GAB1: variants seen among roughly 807,000 people sequenced by gnomAD.
GAB1 encodes the protein GRB2-associated-binding protein 1.
GAB1 carries 19 observed loss-of-function variants against 66.5 expected under a neutral mutation model. That is an observed-to-expected ratio of 0.29 (90% confidence interval 0.20 to 0.42). The LOEUF (loss-of-function observed/expected upper bound fraction) is 0.42, where lower values mean the gene tolerates loss of function less well. Ranked by LOEUF, GAB1 falls within the 10% of genes least tolerant of loss-of-function variation. The pLI is 1.00. For synonymous variants in GAB1, 294 were observed against 301.4 expected (o/e 0.98, Z 0.25); for missense variants, 732 against 858.5 (o/e 0.85, Z 1.84).
Position 143,440,388 on chromosome 4 carries a change from G to A in GAB1, c.1585+6G>A. ...CCTCAAGCCAGACAGAAAAGGTAAGGAGAGCATGGCAAAGTAAAAGGCTTG... is the reference window on the plus strand; with the variant it reads ...CCTCAAGCCAGACAGAAAAGGTAAGAAGAGCATGGCAAAGTAAAAGGCTTG... On this transcript the variant is annotated splice_donor_region_variant and intron_variant, in intron 6 of 9. Transcript: ENST00000262994. The A allele has an allele frequency of 6.3e-7, 1 of 1,597,894 alleles. No individual in the cohort carries two copies. Among genetic ancestry groups the A allele is most frequent in the Non-Finnish European group, 8.5e-7 (1 of 1,172,250 alleles).
chr4:143,384,743 C>T (rs1205860693), intron 1 of GAB1, among the ~76,000 whole-genome samples: 1 of 152,176 alleles, frequency 6.6e-6, no homozygotes, highest in Non-Finnish European at 1.5e-5. Context: ...AGGCAGTTAA[C>T]TTCTAATGGG....
At chr4:143,454,187 T>C (rs938845539) in intron 6 of GAB1, among the ~76,000 whole-genome samples, 2 of 152,238 alleles carry the variant, frequency 1.3e-5, no homozygotes, top group Non-Finnish European at 2.9e-5. Context: ...CGTATTCTTA[T>C]GGCATTTCCA....
intron 1 of GAB1, among the ~76,000 whole-genome samples, chr4:143,400,652 G>A (rs1731720539): frequency 6.6e-6 from 1 of 152,070 alleles, no homozygotes; most frequent in South Asian, 2.1e-4. Context: ...CCAACCTGGG[G>A]TTACAGAATC....
intron 1 of GAB1, among the ~76,000 whole-genome samples, chr4:143,398,487 G>T (rs1731575056): frequency 6.6e-6 from 1 of 152,122 alleles, no homozygotes; most frequent in African/African-American, 2.4e-5. Context: ...TACACATTCT[G>T]TTTGCTCTAG....
At chr4:143,422,930 G>C (rs966272472) in intron 2 of GAB1, among the ~76,000 whole-genome samples, 2 of 152,202 alleles carry the variant, frequency 1.3e-5, no homozygotes, top group Non-Finnish European at 2.9e-5. Context: ...CTAATGTTTA[G>C]TTCTTAGAAG....
chr4:143,457,887 C>G (rs1353623069), intron 6 of GAB1: 1 of 602,014 alleles, frequency 1.7e-6, no homozygotes, highest in African/African-American at 2.0e-5. Flanking sequence ...GTAAATAAAA[C>G]TTTCCTGCAC....
intron 1 of GAB1, among the ~76,000 whole-genome samples, chr4:143,361,709 C>A (rs976896029): frequency 6.6e-6 from 1 of 152,142 alleles, no homozygotes; most frequent in African/African-American, 2.4e-5. Context: ...ATGCCACCAC[C>A]GCTGCCTTTG....
chr4:143,371,994 T>G (rs1181544509), intron 1 of GAB1, among the ~76,000 whole-genome samples: 1 of 152,166 alleles, frequency 6.6e-6, no homozygotes, highest in East Asian at 1.9e-4. Flanking sequence ...AGCATCTAGT[T>G]TAATGTATTC....
intron 2 of GAB1, among the ~76,000 whole-genome samples, chr4:143,432,811 G>A (rs28925896): frequency 5.8e-4 from 89 of 152,184 alleles, no homozygotes; most frequent in Non-Finnish European, 8.2e-4. Flanking sequence ...ATTTCTCTCA[G>A]AACATAGTTA....
intron 6 of GAB1, among the ~76,000 whole-genome samples, chr4:143,448,949 A>T (rs1734731573): frequency 6.6e-6 from 1 of 152,070 alleles, no homozygotes; most frequent in African/African-American, 2.4e-5. Flanking sequence ...TTCCCTCTAC[A>T]CACTGCTTTG....
intron 6 of GAB1, among the ~76,000 whole-genome samples, chr4:143,456,978 A>G (rs529262143): frequency 6.6e-6 from 1 of 152,326 alleles, no homozygotes; most frequent in African/African-American, 2.4e-5. Flanking sequence ...TCAGAAATAT[A>G]CTTAATTAAA....
At chr4:143,347,918 T>G (rs112923778) in intron 1 of GAB1, among the ~76,000 whole-genome samples, 54 of 152,332 alleles carry the variant, frequency 3.5e-4, no homozygotes, top group African/African-American at 1.3e-3. Flanking sequence ...CTCTTCCTCT[T>G]TTTCACCTGC....
chr4:143,357,027 CT>C (rs1195607846), intron 1 of GAB1, among the ~76,000 whole-genome samples: 1 of 152,044 alleles, frequency 6.6e-6, no homozygotes, highest in African/African-American at 2.4e-5. Flanking sequence ...TCTGAAATAC[CT>C]TTAGGTAATC....
chr4:143,432,783 C>T (rs1733726301), intron 2 of GAB1, among the ~76,000 whole-genome samples: 1 of 152,148 alleles, frequency 6.6e-6, no homozygotes. Context: ...TCATTCTGCA[C>T]AATTTAGCTC....
At chr4:143,397,943 G>T (rs746469356) in intron 1 of GAB1, among the ~76,000 whole-genome samples, 11 of 152,288 alleles carry the variant, frequency 7.2e-5, no homozygotes, top group African/African-American at 2.6e-4. Context: ...TTGTCCAAAG[G>T]GAAAAGATAA....
At chr4:143,415,364 T>C in intron 1 of GAB1, 113 bp from the exon 2 acceptor site, 1 of 815,158 alleles carries the variant, frequency 1.2e-6, no homozygotes, top group South Asian at 1.9e-5. Flanking sequence ...AACACACACA[T>C]ATTGTGACTT....
chr4:143,348,671 A>G (rs1034686322), intron 1 of GAB1, among the ~76,000 whole-genome samples: 1 of 152,220 alleles, frequency 6.6e-6, no homozygotes, highest in Non-Finnish European at 1.5e-5. Context: ...TGATAATGCC[A>G]TTCCATAGCT....
At chr4:143,417,943 G>GA (rs929411816) in intron 2 of GAB1, among the ~76,000 whole-genome samples, 13 of 152,216 alleles carry the variant, frequency 8.5e-5, no homozygotes, top group Non-Finnish European at 1.8e-4. Flanking sequence ...ATAAGGAGTG[G>GA]AAAATTGTGT....
chr4:143,467,851 C>T (rs1735872522), intron 9 of GAB1, among the ~76,000 whole-genome samples: 1 of 152,144 alleles, frequency 6.6e-6, no homozygotes, highest in Non-Finnish European at 1.5e-5. Context: ...CTAAAGCCAA[C>T]ACCACGTTTA....
Sources: gnomAD v4.1 joint callset for allele counts (sites outside exome capture counted in the v4.1 genomes callset) on GRCh38, gnomAD v4.1.1 for gene constraint, MANE v1.5 for transcripts, NCBI Gene and HGNC (gene_info 2026-07-23, HGNC 2026-07-21) for gene names.